The following EPHX2 variants were observed in gnomAD, a reference collection of about 807,000 sequenced individuals.
The protein encoded by EPHX2 is epoxide hydrolase 2, also known as bifunctional epoxide hydrolase 2.
EPHX2 carries 74 observed loss-of-function variants against 78.7 expected under a neutral mutation model. The ratio of observed to expected loss-of-function variants is 0.94; its 90% CI spans 0.78 to 1.14. The LOEUF (loss-of-function observed/expected upper bound fraction) is 1.14, where lower values mean the gene tolerates loss of function less well. EPHX2 is among the 50% of genes most tolerant of loss of function. EPHX2 has a pLI of 0.00. For missense variants in EPHX2, 715 were observed against 702.5 expected, an observed-to-expected ratio of 1.02 and a Z score of -0.20; for synonymous variants, 251 against 255.2, an observed-to-expected ratio of 0.98 and a Z score of 0.16.
rs767564027 is a variant in EPHX2, at chr8:27,505,058, T to A, written c.449T>A (p.Leu150Gln). Residue 150 changes from leucine (L) to glutamine (Q), a missense_variant, in exon 4 of 19, where the codon CTG becomes CAG. Physicochemically the swap from Leu to Gln is moderately radical, Grantham distance 113. Transcript: ENST00000521400. ...GAGCTGAAGATGCACTTTGACTTCCTGATAGAGTCGTGTCAGGTGGGAATG... is the reference window on the plus strand; with the variant it reads ...GAGCTGAAGATGCACTTTGACTTCCAGATAGAGTCGTGTCAGGTGGGAATG... The part of the protein sequence containing the change: ...MCELKMHFDF[L>Q]IESCQVGMVK... The A allele has an allele frequency of 1.7e-5, 27 of 1,614,056 alleles. No individual in the cohort carries two copies. Among genetic ancestry groups the A allele is most frequent in the Non-Finnish European group, 2.2e-5 (26 of 1,180,042 alleles).
downstream of EPHX2, among the ~76,000 whole-genome samples, chr8:27,546,123 C>T (rs72478914): frequency 6.4e-5 from 9 of 141,686 alleles, no homozygotes; most frequent in African/African-American, 1.9e-4. Context: ...ATTGAGACTC[C>T]GACTCAAAAA....
intron 17 of EPHX2, 100 bp downstream of exon 17, chr8:27,543,929 G>A: frequency 1.6e-6 from 2 of 1,284,548 alleles, no homozygotes; most frequent in Non-Finnish European, 2.2e-6. Flanking sequence ...TTGTCATGTG[G>A]ATAGGACCAT....
intron 1 of EPHX2, among the ~76,000 whole-genome samples, chr8:27,497,769 G>A (rs1464376422): frequency 1.3e-5 from 2 of 152,172 alleles, no homozygotes; most frequent in East Asian, 3.9e-4. Flanking sequence ...AGTTATGGTG[G>A]ACATCATTGA....
intron 6 of EPHX2, 24 bp downstream of exon 6, chr8:27,511,934 C>T (rs937151429): frequency 7.4e-6 from 12 of 1,610,922 alleles, no homozygotes; most frequent in Admixed American, 5.0e-5. Flanking sequence ...GTCTCTCAGT[C>T]GGCTAAGTGC....
chr8:27,493,980 A>G (rs935323729), intron 1 of EPHX2, among the ~76,000 whole-genome samples: 5 of 152,110 alleles, frequency 3.3e-5, no homozygotes, highest in African/African-American at 4.8e-5. Flanking sequence ...GAAGACATAC[A>G]CTAGTGGTGG....
intron 14 of EPHX2, chr8:27,538,910 T>C: frequency 3.5e-6 from 2 of 577,806 alleles, no homozygotes; most frequent in South Asian, 2.1e-5. Context: ...GGCTTCAAGA[T>C]CTTAAGCAGT....
chr8:27,546,263 A>C (rs1205515540), downstream of EPHX2, among the ~76,000 whole-genome samples: 1 of 152,158 alleles, frequency 6.6e-6, no homozygotes, highest in Non-Finnish European at 1.5e-5. Context: ...CTCATCTATA[A>C]AAAAGGGGAC....
In EPHX2 at chr8:27,516,471, G is replaced by A. The variant is rs190107060; in HGVS notation, c.910+73G>A. 2.9e-6 allele frequency: 4 copies of A among 1,377,082 alleles called. No homozygotes were observed. The East Asian group carries it at 9.3e-5, about 32-fold the overall frequency. 85.3% of individuals were successfully genotyped at this position (1,377,082 alleles called of 1,614,324 possible). The stretch of plus-strand genomic sequence containing the variant: ...CTGCCTGAGCGCTCCACGCCTCGGT[G>A]CTTTCCCTGGTCCCAGATCAGAGTA... On this transcript the variant is annotated intron_variant, in intron 8 of 18. Transcript: ENST00000521400.
chr8:27,547,532 A>G (rs116768061), downstream of EPHX2, among the ~76,000 whole-genome samples: 1,087 of 152,314 alleles, frequency 7.1e-3, 13 homozygotes, highest in African/African-American at 0.025. Flanking sequence ...TACACATGTC[A>G]TCTCAAACAT....
chr8:27,543,729 G>A lies in EPHX2; in HGVS notation c.1450-20G>A. The A allele has an allele frequency of 1.2e-6, 2 of 1,613,484 alleles. No individual in the cohort carries two copies. Among genetic ancestry groups the A allele is most frequent in the Non-Finnish European group, 1.7e-6 (2 of 1,179,742 alleles). On this transcript the variant is annotated intron_variant, in intron 16 of 18. Coordinates refer to ENST00000521400, the MANE Select transcript of EPHX2 (RefSeq NM_001979.6). ...CCTTTGTGGAGTGCTGGCCACTTCTGTTTCCTGTTCTCCCCCCAGATCCTG... is the reference window on the plus strand; with the variant it reads ...CCTTTGTGGAGTGCTGGCCACTTCTATTTCCTGTTCTCCCCCCAGATCCTG...
chr8:27,525,221 C>A (rs1814801440), intron 11 of EPHX2, 141 bp from the exon 12 acceptor site: 1 of 685,548 alleles, frequency 1.5e-6, no homozygotes, highest in Non-Finnish European at 2.5e-6. Context: ...TGATCCCATT[C>A]TCCCATTCAC....
Position 27,545,182 on chromosome 8 carries a change from G to A in EPHX2, c.*660G>A, listed in dbSNP as rs2132812660. On this transcript the variant is annotated 3_prime_UTR_variant, in exon 19 of 19. Coordinates refer to ENST00000521400, the MANE Select transcript of EPHX2 (RefSeq NM_001979.6). ...GCAGAGTTTGCTCAGGCACAAATGT[G>A]CACCTGGAGCATTTGAAATGTGCTA... 1 of 152,408 alleles carries A rather than the reference G, an allele frequency of 6.6e-6. No homozygotes were observed. Among genetic ancestry groups the A allele is most frequent in the South Asian group, 2.1e-4 (1 of 4,832 alleles). The allele number at this position is 152,408 out of a possible 1,614,324, so 9.4% of individuals were successfully genotyped here.
At position 27,498,947 on chromosome 8, in the gene EPHX2, T is replaced by C. The variant is rs557754718; in HGVS notation, c.102-1979T>C. Among the ~76,000 whole-genome samples, 4 of 152,346 alleles carry C rather than the reference T, an allele frequency of 2.6e-5. No homozygotes were observed. The South Asian group carries it at 8.3e-4, about 32-fold the overall frequency. On this transcript the variant is annotated intron_variant, in intron 1 of 18. Transcript: ENST00000521400. ...CTGGGTAATTTATAAAGAAAAGGAA[T>C]TTATTTCTTGCAGTTATGGAGGCTG... is the stretch of plus-strand genomic sequence containing the variant.
chr8:27,541,634 G>C (rs1815406008), intron 16 of EPHX2, 92 bp downstream of exon 16: 2 of 1,380,600 alleles, frequency 1.4e-6, no homozygotes, highest in Admixed American at 3.4e-5. Context: ...CTGGGCCAGA[G>C]CTGGTTGTGG....
chr8:27,508,538 G>T (rs1423887948), intron 5 of EPHX2, among the ~76,000 whole-genome samples: 1 of 152,178 alleles, frequency 6.6e-6, no homozygotes, highest in South Asian at 2.1e-4. Context: ...TGGGCTCAGG[G>T]AACCCATGTG....
At chr8:27,511,982 C>T in intron 6 of EPHX2, 72 bp downstream of exon 6, 3 of 1,458,210 alleles carry the variant, frequency 2.1e-6, no homozygotes, top group South Asian at 2.3e-5. Context: ...AGCAGAGACA[C>T]CCAAGAGGCT....
At chr8:27,497,619 A>G (rs1365280281) in intron 1 of EPHX2, among the ~76,000 whole-genome samples, 4 of 152,142 alleles carry the variant, frequency 2.6e-5, no homozygotes, top group Non-Finnish European at 4.4e-5. Context: ...CTTTTTCCTG[A>G]TATCTGCGGC....
chr8:27,543,905 G>T lies in EPHX2; in HGVS notation c.1530+76G>T, dbSNP rs955984957. On this transcript the variant is annotated intron_variant, in intron 17 of 18. Transcript: ENST00000521400. ...ACGGGTGCTCAGAGGGAAGACGGCA[G>T]CAGAAGATACACCTTGTCATGTGGA... 4 of 1,462,128 alleles carry T rather than the reference G, an allele frequency of 2.7e-6. No individual in the cohort carries two copies. The Admixed American group carries it at 7.0e-5, about 26-fold the overall frequency. The allele number at this position is 1,462,128 out of a possible 1,614,324, so 90.6% of individuals were successfully genotyped here. A position where few individuals can be genotyped will look rare whatever the true frequency, so the allele number is the denominator to read the frequency against.
intron 12 of EPHX2, among the ~76,000 whole-genome samples, chr8:27,534,064 A>G (rs1815132268): frequency 1.3e-5 from 2 of 152,184 alleles, no homozygotes; most frequent in African/African-American, 4.8e-5. Flanking sequence ...ATGATGACCG[A>G]CAGCCACACA....
Sources: allele counts gnomAD v4.1 joint callset (sites outside exome capture counted in the v4.1 genomes callset), GRCh38; gene constraint gnomAD v4.1.1; transcripts MANE v1.5; gene names NCBI Gene and HGNC (gene_info 2026-07-23, HGNC 2026-07-21).